The following XPNPEP3 variants were observed in gnomAD, a reference collection of about 807,000 sequenced individuals.
XPNPEP3 encodes X-prolyl aminopeptidase 3.
XPNPEP3 carries 41 observed loss-of-function variants against 60.0 expected under a neutral mutation model. The observed-to-expected ratio is 0.68, with a 90% CI of 0.53 to 0.89. The LOEUF is 0.89. Ranked by LOEUF, XPNPEP3 falls within the 40% of genes least tolerant of loss-of-function variation. The probability of loss-of-function intolerance (pLI) is 0.00; values close to 1 mark genes in which losing one functional copy is unlikely to be tolerated. For synonymous variants in XPNPEP3, 212 were observed against 223.2 expected (o/e 0.95, Z 0.45); for missense variants, 598 against 638.9 (o/e 0.94, Z 0.69).
chr22:40,923,820 C>G (rs1251844661), intron 8 of XPNPEP3, among the ~76,000 whole-genome samples: 3 of 152,036 alleles, frequency 2.0e-5, no homozygotes, highest in Non-Finnish European at 4.4e-5. Context: ...CCACTGCACT[C>G]CAGCCTGGGC....
rs2058187245 is a variant in XPNPEP3, at chr22:40,914,253, G to A, written c.984G>A (p.Val328=). ...NNQLIKDGEM[V]LLDGGCESSC... is the part of the protein sequence containing the mutation. ...CTTTGTTCCAGGATGGGGAAATGGT[G>A]CTTCTGGATGGAGGTTGTGAGTCTT... The change falls in exon 7 of 10, where the codon GTG becomes GTA. Residue 328 remains valine (V), a synonymous_variant. Coordinates refer to ENST00000357137, the MANE Select transcript of XPNPEP3 (RefSeq NM_022098.4). 6 of 1,614,034 alleles carry A rather than the reference G, an allele frequency of 3.7e-6. No homozygotes were observed. The highest frequency in any genetic ancestry group is 5.1e-6 in the Non-Finnish European group (6 of 1,179,984).
intron 3 of XPNPEP3, among the ~76,000 whole-genome samples, chr22:40,884,103 T>A (rs984414903): frequency 6.6e-6 from 1 of 152,198 alleles, no homozygotes; most frequent in African/African-American, 2.4e-5. Context: ...TAAATTCTTT[T>A]TATTTATAGA....
chr22:40,919,317 G>A (rs2058207814), intron 7 of XPNPEP3, among the ~76,000 whole-genome samples: 1 of 152,214 alleles, frequency 6.6e-6, no homozygotes, highest in Non-Finnish European at 1.5e-5. Flanking sequence ...CACTTTGGGA[G>A]GCCAAGGCGA....
Position 40,869,093 on chromosome 22 carries a change from A to G in XPNPEP3, c.159A>G (p.Thr53=), listed in dbSNP as rs2057993231. ...ACTTAGGCCAGCCCAGCCCCTTTAC[A>G]CACCCACACCTCCTCAGACCAGGTA... ...NRYLGQPSPF[T]HPHLLRPGEV... is the part of the protein sequence containing the mutation. The change falls in exon 2 of 10, where the codon ACA becomes ACG. Residue 53 remains threonine, a synonymous_variant. Transcript: ENST00000357137. 6 of 1,613,974 alleles carry G rather than the reference A, an allele frequency of 3.7e-6. No homozygotes were observed. The highest frequency in any genetic ancestry group is 2.2e-5 in the South Asian group (2 of 91,070).
intron 2 of XPNPEP3, among the ~76,000 whole-genome samples, chr22:40,872,998 A>G (rs1317358474): frequency 1.3e-5 from 2 of 151,718 alleles, no homozygotes; most frequent in African/African-American, 4.8e-5. Context: ...TTGGAATGCT[A>G]GGTTTAAAAA....
chr22:40,878,302 G>A (rs1406072958), intron 2 of XPNPEP3, among the ~76,000 whole-genome samples: 2 of 151,992 alleles, frequency 1.3e-5, no homozygotes, highest in African/African-American at 4.8e-5. Context: ...ACTCAATAGT[G>A]TTGATAATTA....
rs2058050743 is a variant in XPNPEP3, at chr22:40,882,143, A to G, written c.555A>G (p.Leu185=). 6.2e-7 allele frequency: 1 copy of G among 1,614,194 alleles called. No individual in the cohort carries two copies. Among genetic ancestry groups the G allele is most frequent in the Non-Finnish European group, 8.5e-7 (1 of 1,180,014 alleles). ...ALTGVDEAYT[L]EEFQHLLPKM... The stretch of plus-strand genomic sequence containing the variant: ...CTGGAGTAGACGAAGCCTATACGCT[A>G]GAAGAATTTCAACATCTTCTACCAA... The change falls in exon 3 of 10, where the codon CTA becomes CTG. Residue 185 remains leucine (L), a synonymous_variant. Coordinates refer to ENST00000357137, the MANE Select transcript of XPNPEP3 (RefSeq NM_022098.4).
intron 4 of XPNPEP3, among the ~76,000 whole-genome samples, chr22:40,893,362 C>T (rs984323945): frequency 2.7e-5 from 4 of 149,726 alleles, no homozygotes; most frequent in Non-Finnish European, 4.4e-5. Flanking sequence ...CAAAATTAGC[C>T]GGGCATGGTG....
chr22:40,890,307 G>A (rs922262827), intron 4 of XPNPEP3, among the ~76,000 whole-genome samples: 4 of 152,234 alleles, frequency 2.6e-5, no homozygotes, highest in Admixed American at 6.5e-5. Context: ...CAGCACTTTG[G>A]GAGGCTGAGG....
chr22:40,923,329 C>T (rs2058223526), intron 8 of XPNPEP3, among the ~76,000 whole-genome samples: 2 of 151,844 alleles, frequency 1.3e-5, no homozygotes, highest in Admixed American at 1.3e-4. Context: ...AGCAATATTC[C>T]CAAAGACCAT....
rs532528704 is a variant in XPNPEP3, at chr22:40,857,442, T to C, written c.64+197T>C. ...CAGTGTGTTCTCTACCGTTGAGGTATTTTGTGAAGCCGAAATGACTGCAGA... is the reference window on the plus strand; with the variant it reads ...CAGTGTGTTCTCTACCGTTGAGGTACTTTGTGAAGCCGAAATGACTGCAGA... On this transcript the variant is annotated intron_variant, in intron 1 of 9. Coordinates refer to ENST00000357137, the MANE Select transcript of XPNPEP3 (RefSeq NM_022098.4). Among the ~76,000 whole-genome samples the C allele has an allele frequency of 6.8e-4, 103 of 152,358 alleles. 1 individual carries two copies. Among genetic ancestry groups the C allele is most frequent in the Admixed American group, 4.1e-3 (62 of 15,302 alleles).
chr22:40,884,705 T>A (rs571585805), intron 3 of XPNPEP3, among the ~76,000 whole-genome samples: 1 of 151,966 alleles, frequency 6.6e-6, no homozygotes, highest in South Asian at 2.1e-4. Context: ...TTTGAACGTG[T>A]AGTAGAGATT....
intron 6 of XPNPEP3, 139 bp downstream of exon 6, chr22:40,909,374 T>C (rs2146270999): frequency 1.4e-6 from 1 of 729,938 alleles, no homozygotes; most frequent in East Asian, 2.7e-5. Context: ...ATAAAATGGT[T>C]TTACAGACAT....
chr22:40,920,879 G>A (rs765299865), intron 7 of XPNPEP3, among the ~76,000 whole-genome samples: 10 of 152,060 alleles, frequency 6.6e-5, no homozygotes, highest in East Asian at 1.9e-4. Flanking sequence ...CACAACCTTC[G>A]CCTCCCAGTT....
Position 40,909,223 on chromosome 22 carries a change from T to C in XPNPEP3, c.957T>C (p.Asn319=). Residue 319 remains asparagine, a synonymous_variant, in exon 6 of 10, where the codon AAT becomes AAC. Transcript: ENST00000357137. Reference sequence around the variant, plus strand: ...ACACTTTGCACTATGTGAAAAATAATCAACTCATCAAGGTACGTGAGATGC... The same window carrying C: ...ACACTTTGCACTATGTGAAAAATAACCAACTCATCAAGGTACGTGAGATGC... ...RSNTLHYVKN[N]QLIKDGEMVL... The C allele has an allele frequency of 1.9e-6, 3 of 1,614,146 alleles. No individual in the cohort carries two copies. Among genetic ancestry groups the C allele is most frequent in the Non-Finnish European group, 2.5e-6 (3 of 1,180,010 alleles).
At chr22:40,879,376 A>G (rs1038735898) in intron 2 of XPNPEP3, among the ~76,000 whole-genome samples, 1 of 152,228 alleles carries the variant, frequency 6.6e-6, no homozygotes, top group African/African-American at 2.4e-5. Flanking sequence ...CAAGTTACAG[A>G]ATTTGCTGGT....
At chr22:40,915,545 C>CTT in intron 7 of XPNPEP3, among the ~76,000 whole-genome samples, 1 of 147,342 alleles carries the variant, frequency 6.8e-6, no homozygotes, top group East Asian at 2.0e-4. Flanking sequence ...GAGTGAGACT[C>CTT]TATCTGAAAA....
intron 2 of XPNPEP3, among the ~76,000 whole-genome samples, chr22:40,871,990 GC>G (rs1161052148): frequency 2.0e-5 from 3 of 152,156 alleles, no homozygotes; most frequent in Non-Finnish European, 4.4e-5. Flanking sequence ...CTGAGATCAC[GC>G]CATTGCACTC....
intron 6 of XPNPEP3, among the ~76,000 whole-genome samples, chr22:40,910,362 A>G (rs1306991054): frequency 1.3e-5 from 2 of 152,212 alleles, no homozygotes; most frequent in South Asian, 2.1e-4. Flanking sequence ...TATAAACTCT[A>G]TACAAATTGT....
Sources: gnomAD v4.1 joint callset for allele counts (sites outside exome capture counted in the v4.1 genomes callset) on GRCh38, gnomAD v4.1.1 for gene constraint, MANE v1.5 for transcripts, NCBI Gene and HGNC (gene_info 2026-07-23, HGNC 2026-07-21) for gene names.